Variants in PCNX2 observed in about 807,000 individuals in gnomAD.
The protein encoded by PCNX2 is pecanex 2, also known as pecanex-like protein 2.
A neutral mutation model predicts 223.8 loss-of-function variants in PCNX2; 168 were observed. The ratio of observed to expected loss-of-function variants is 0.75; its 90% CI spans 0.66 to 0.85. PCNX2 has a LOEUF of 0.85. Among genes scored for constraint, PCNX2 ranks in the 40% least tolerant of loss-of-function variants. PCNX2 has a pLI of 0.00. For synonymous variants in PCNX2, 1,006 were observed against 1,052.6 expected, an observed-to-expected ratio of 0.96 and a Z score of 0.86; for missense variants, 2,507 against 2,675.5, an observed-to-expected ratio of 0.94 and a Z score of 1.39.
chr1:233,160,943 A>C (rs1678430422), intron 18 of PCNX2, among the ~76,000 whole-genome samples: 1 of 152,136 alleles, frequency 6.6e-6, no homozygotes, highest in Non-Finnish European at 1.5e-5. Context: ...CTCTATTCAT[A>C]GTAGAGCACT....
intron 22 of PCNX2, among the ~76,000 whole-genome samples, chr1:233,090,899 G>A (rs1425761739): frequency 6.6e-6 from 1 of 152,192 alleles, no homozygotes; most frequent in Non-Finnish European, 1.5e-5. Context: ...ATTAAACTTA[G>A]CATGTCTGTT....
At position 233,258,507 on chromosome 1, in the gene PCNX2, T is replaced by C; in HGVS notation, c.1355A>G (p.Glu452Gly). Residue 452 changes from glutamate (E) to glycine (G), a missense_variant, in exon 5 of 34, where the codon GAA becomes GGA. Glu to Gly is a moderately conservative substitution (Grantham distance 98, BLOSUM62 -2). This residue lies in a region of PCNX2 where 1,031 missense variants were observed against 1,021.7 expected (regional missense o/e 1.01). Transcript: ENST00000258229. ...CGTCTTCAGTCTCTCTGGAGTCCTT[T>C]CACTTCCATTGCCTTCGGGACAGGG... The part of the protein sequence containing the change: ...GVPCPEGNGS[E>G]RTPERLKTRV... 1 of 1,613,994 alleles carries C rather than the reference T, an allele frequency of 6.2e-7. No homozygotes were observed. The highest frequency in any genetic ancestry group is 1.1e-5 in the South Asian group (1 of 91,086).
At chr1:233,005,409 A>C (rs1670244991) in intron 28 of PCNX2, among the ~76,000 whole-genome samples, 1 of 152,140 alleles carries the variant, frequency 6.6e-6, no homozygotes, top group Admixed American at 6.5e-5. Context: ...GCAGCAGGAG[A>C]AAGGCAGCCT....
At chr1:233,315,524 A>C in the PCNX2 span, among the ~76,000 whole-genome samples, 1 of 152,178 alleles carries the variant, frequency 6.6e-6, no homozygotes, top group Non-Finnish European at 1.5e-5. Context: ...ATAAAATCTC[A>C]AGGTCTCTAA....
chr1:233,017,395 G>C (rs1670716046), intron 26 of PCNX2, among the ~76,000 whole-genome samples: 1 of 140,524 alleles, frequency 7.1e-6, no homozygotes, highest in South Asian at 2.2e-4. Flanking sequence ...TCGGCTCACT[G>C]CAAGCTCCGC....
the PCNX2 span, among the ~76,000 whole-genome samples, chr1:233,321,025 T>TC: frequency 7.1e-6 from 1 of 140,784 alleles, no homozygotes; most frequent in African/African-American, 2.7e-5. Context: ...TTTTTTTTTT[T>TC]TTTTTTTTTT....
chr1:233,071,685 A>G lies in PCNX2; in HGVS notation c.4077-14395T>C, dbSNP rs537997057. On this transcript the variant is annotated intron_variant, in intron 23 of 33. Coordinates refer to ENST00000258229, the MANE Select transcript of PCNX2 (RefSeq NM_014801.4). ...CTCAGTAATGGAACTGCTGTGTCCAATGGTATTTCTGTTTTTAGGTCTTTG... is the reference window on the plus strand; with the variant it reads ...CTCAGTAATGGAACTGCTGTGTCCAGTGGTATTTCTGTTTTTAGGTCTTTG... Among the ~76,000 whole-genome samples, 6 of 152,296 alleles carry G rather than the reference A, an allele frequency of 3.9e-5. No homozygotes were observed. In the East Asian group the frequency reaches 9.6e-4, roughly 24 times the overall value.
rs372081748 is a variant in PCNX2, at chr1:232,998,364, G to A, written c.5678C>T (p.Thr1893Met). The change falls in exon 32 of 34, where the codon ACG (threonine) becomes ATG (methionine). Residue 1893 changes from threonine (T) to methionine (M), a missense_variant. This residue lies in a region of PCNX2 where 1,372 missense variants were observed against 1,509.4 expected (regional missense o/e 0.91). Coordinates refer to ENST00000258229, the MANE Select transcript of PCNX2 (RefSeq NM_014801.4). Reference protein sequence around the residue: ...IEDVDGGGAPTTGGNNAPSGG... With the variant: ...IEDVDGGGAPMTGGNNAPSGG... ...ACTCGGGGCATTGTTGCCACCTGTC[G>A]TCGGGGCCCCTCCTCCGTCCACGTC... 4.3e-5 allele frequency: 70 copies of A among 1,613,078 alleles called. No homozygotes were observed. Among genetic ancestry groups the A allele is most frequent in the South Asian group, 3.2e-4 (29 of 90,908 alleles).
intron 21 of PCNX2, chr1:233,113,101 C>T (rs941463488): frequency 5.6e-5 from 57 of 1,018,692 alleles, no homozygotes; most frequent in Non-Finnish European, 3.5e-5. Flanking sequence ...GGTCACAACG[C>T]AGTGAGCTGG....
intron 28 of PCNX2, among the ~76,000 whole-genome samples, chr1:233,004,141 A>T (rs551985452): frequency 2.2e-4 from 33 of 147,650 alleles, no homozygotes; most frequent in Admixed American, 4.1e-4. Context: ...AAGTATAATT[A>T]AAAAAAAAAA....
intron 27 of PCNX2, among the ~76,000 whole-genome samples, chr1:233,015,642 G>A (rs1670629076): frequency 2.0e-5 from 3 of 152,078 alleles, no homozygotes; most frequent in South Asian, 2.1e-4. Context: ...GCAGTGAGCC[G>A]AGATTGCGTC....
chr1:233,247,257 T>G (rs1012605027), intron 8 of PCNX2, among the ~76,000 whole-genome samples: 3 of 152,226 alleles, frequency 2.0e-5, no homozygotes, highest in Non-Finnish European at 2.9e-5. Flanking sequence ...TTTGTGCTCA[T>G]GCATCTGACA....
chr1:233,030,242 A>T (rs1420217747), intron 25 of PCNX2, among the ~76,000 whole-genome samples: 1 of 151,776 alleles, frequency 6.6e-6, no homozygotes, highest in Non-Finnish European at 1.5e-5. Context: ...CAGACATTGT[A>T]TTTTTTTCAG....
intron 13 of PCNX2, among the ~76,000 whole-genome samples, chr1:233,204,886 G>A (rs1231217939): frequency 6.6e-6 from 1 of 152,080 alleles, no homozygotes; most frequent in Non-Finnish European, 1.5e-5. Flanking sequence ...ATGAGAGAAA[G>A]GGAATTCCAG....
At chr1:233,291,216 T>C (rs932796412) in intron 1 of PCNX2, 6 of 440,658 alleles carry the variant, frequency 1.4e-5, no homozygotes, top group Non-Finnish European at 1.8e-5. Flanking sequence ...TGGACCTCAG[T>C]TGCTAAACCT....
intron 32 of PCNX2, 123 bp from the exon 33 acceptor site, chr1:232,986,663 AGGCTG>A: frequency 2.3e-6 from 2 of 879,846 alleles, no homozygotes; most frequent in Non-Finnish European, 3.3e-6. Flanking sequence ...ACCACCTGCA[AGGCTG>A]GGACAAGAGC....
chr1:233,158,422 G>T (rs1278826644), intron 19 of PCNX2, among the ~76,000 whole-genome samples: 1 of 152,158 alleles, frequency 6.6e-6, no homozygotes, highest in Non-Finnish European at 1.5e-5. Context: ...AAAGGTAAAA[G>T]TATAGGTATA....
intron 23 of PCNX2, among the ~76,000 whole-genome samples, chr1:233,077,722 A>G (rs1008682304): frequency 6.6e-6 from 1 of 152,200 alleles, no homozygotes; most frequent in Non-Finnish European, 1.5e-5. Context: ...CAAAATATAA[A>G]AAGAAATATA....
intron 28 of PCNX2, among the ~76,000 whole-genome samples, chr1:233,005,519 G>A (rs560142359): frequency 5.9e-5 from 9 of 152,338 alleles, no homozygotes; most frequent in African/African-American, 1.9e-4. Flanking sequence ...AGACATTGTG[G>A]TGCTTCATGC....
Sources: gnomAD v4.1 joint callset for allele counts (sites outside exome capture counted in the v4.1 genomes callset) on GRCh38, gnomAD v4.1.1 for gene constraint, gnomAD v4.1.1 regional missense constraint, MANE v1.5 for transcripts, NCBI Gene and HGNC (gene_info 2026-07-23, HGNC 2026-07-21) for gene names.